Variants in THOC2 observed in about 807,000 individuals in gnomAD.
THOC2 encodes the protein THO complex subunit 2.
In THOC2, 10 loss-of-function variants were observed where a neutral mutation model predicts 128.4. That is an observed-to-expected ratio of 0.08 (90% CI 0.05 to 0.13). The LOEUF is 0.13. Among genes scored for constraint, THOC2 ranks in the 10% least tolerant of loss-of-function variants. THOC2 has a pLI of 1.00. For synonymous variants in THOC2, 393 were observed against 396.9 expected (o/e 0.99, Z 0.12); for missense variants, 535 against 1,155.7 (o/e 0.46, Z 7.79).
At chrX:123,610,122 C>T (rs1050086249) in intron 38 of THOC2, 9 of 110,830 alleles carry the variant, frequency 8.1e-5, no homozygotes, top group African/African-American at 1.6e-4. Context: ...AATTGTCCTA[C>T]GTACTTCAAT....
chrX:123,719,554 G>A (rs1786163125), intron 1 of THOC2, among the ~76,000 whole-genome samples: 1 of 107,671 alleles, frequency 9.3e-6, no homozygotes, highest in South Asian at 4.0e-4. Context: ...CTGACATCAC[G>A]CCACTGCACT....
chrX:123,658,815 C>T (rs1486884836), intron 12 of THOC2, among the ~76,000 whole-genome samples: 1 of 111,363 alleles, frequency 9.0e-6, no homozygotes, highest in Non-Finnish European at 1.9e-5. Flanking sequence ...AAACTATGGA[C>T]TTTGGGTGAT....
At chrX:123,672,940 C>T (rs767481073) in intron 8 of THOC2, among the ~76,000 whole-genome samples, 1 of 112,548 alleles carries the variant, frequency 8.9e-6, no homozygotes, top group Non-Finnish European at 1.9e-5. Context: ...AAATAAAATA[C>T]AAAGCTAACC....
At chrX:123,648,623 C>A (rs1457704934) in intron 12 of THOC2, among the ~76,000 whole-genome samples, 2 of 106,684 alleles carry the variant, frequency 1.9e-5, no homozygotes, top group South Asian at 4.0e-4. Flanking sequence ...TGGAGCTCAG[C>A]GGGAGGAGGG....
At chrX:123,635,922 A>C (rs1193339218) in intron 19 of THOC2, among the ~76,000 whole-genome samples, 157 bp downstream of exon 19, 1 of 112,311 alleles carries the variant, frequency 8.9e-6, no homozygotes, top group East Asian at 2.8e-4. Flanking sequence ...TTAAGTTATC[A>C]TTTAACTAAA....
intron 1 of THOC2, among the ~76,000 whole-genome samples, chrX:123,724,555 C>T (rs1342687718): frequency 1.8e-5 from 2 of 109,964 alleles, no homozygotes; most frequent in African/African-American, 3.3e-5. Context: ...CGCAGTGGTG[C>T]GCACCTGTAA....
chrX:123,729,049 T>C (rs1462321776), intron 1 of THOC2, among the ~76,000 whole-genome samples: 3 of 112,385 alleles, frequency 2.7e-5, no homozygotes, highest in African/African-American at 9.7e-5. Context: ...AGCTTCATCA[T>C]GGCAAGTTCT....
intron 33 of THOC2, 31 bp downstream of exon 33, chrX:123,619,370 C>T: frequency 1.0e-6 from 1 of 987,506 alleles, no homozygotes; most frequent in Non-Finnish European, 1.4e-6. Flanking sequence ...ATTTGGTTTA[C>T]TTAGGCATGA....
intron 18 of THOC2, among the ~76,000 whole-genome samples, chrX:123,636,782 TA>T (rs1478266898): frequency 9.0e-6 from 1 of 111,632 alleles, no homozygotes; most frequent in Non-Finnish European, 1.9e-5. Context: ...GAGATTCAAG[TA>T]AAGTCAAGTG....
chrX:123,730,182 G>GT (rs35214295), intron 1 of THOC2, among the ~76,000 whole-genome samples: 3,594 of 92,496 alleles, frequency 0.039, 102 homozygotes, highest in African/African-American at 0.1. Flanking sequence ...TTGGGTTTTT[G>GT]TTTTTTTTTT....
rs201952458 is a variant in THOC2, at chrX:123,627,713, T to C, written c.2737A>G (p.Ile913Val). 235 of 1,210,100 alleles carry C rather than the reference T, an allele frequency of 1.9e-4. No homozygotes were observed. In the African/African-American group the frequency reaches 3.3e-3, roughly 17 times the overall value. ...VNKLKVQMKAIDDNQEMPPNK... is the reference protein window; with the variant it reads ...VNKLKVQMKAVDDNQEMPPNK... Reference sequence around the variant, plus strand: ...CCTACCATTTCCTGATTGTCATCAATTGCTTTCATCTGGACTTTAAGTTTA... The same window carrying C: ...CCTACCATTTCCTGATTGTCATCAACTGCTTTCATCTGGACTTTAAGTTTA... The change falls in exon 23 of 39, where the codon ATT becomes GTT. Residue 913 changes from isoleucine to valine, a missense_variant. Physicochemically the swap from Ile to Val is conservative, Grantham distance 29 (BLOSUM62 3). Around this residue, in one of 9 missense-constraint regions of THOC2, gnomAD observed 90 missense variants for 298.6 expected, o/e 0.30. Coordinates refer to ENST00000245838, the MANE Select transcript of THOC2 (RefSeq NM_001081550.2).
At chrX:123,604,417 T>A (rs974721024) in intron 38 of THOC2, among the ~76,000 whole-genome samples, 17 of 110,412 alleles carry the variant, frequency 1.5e-4, no homozygotes, top group Admixed American at 4.8e-4. Flanking sequence ...GTTTTGTTAG[T>A]AAGACTGCCA....
intron 8 of THOC2, among the ~76,000 whole-genome samples, chrX:123,674,332 T>C (rs1019008242): frequency 1.8e-5 from 2 of 112,041 alleles, no homozygotes; most frequent in Admixed American, 1.9e-4. Context: ...TCATTGTCTC[T>C]TGTAACAACT....
chrX:123,685,935 G>A (rs1457359255), intron 8 of THOC2, among the ~76,000 whole-genome samples: 2 of 111,625 alleles, frequency 1.8e-5, no homozygotes, highest in African/African-American at 3.3e-5. Context: ...GCACACGACT[G>A]TAGTCCCAGC....
At chrX:123,605,696 T>C (rs2046441671) in intron 38 of THOC2, among the ~76,000 whole-genome samples, 1 of 111,504 alleles carries the variant, frequency 9.0e-6, no homozygotes, top group Non-Finnish European at 1.9e-5. Context: ...CCCTATCCCA[T>C]ACCCTTTACC....
Position 123,629,246 on chromosome X carries a change from C to T in THOC2, c.2482-1278G>A, listed in dbSNP as rs376145611. Among the ~76,000 whole-genome samples, 624 of 102,019 alleles carry T rather than the reference C, an allele frequency of 6.1e-3. 4 individuals carry two copies. Among genetic ancestry groups the T allele is most frequent in the Middle Eastern group, 0.02 (4 of 202 alleles). The allele number at this position is 102,019 out of a possible 115,157, so 88.6% of individuals were successfully genotyped here. ...ACACACACACACACACACACACACA[C>T]ATATATATGAAGATAACACAGAGTT... On this transcript the variant is annotated intron_variant, in intron 22 of 38. Transcript: ENST00000245838.
chrX:123,645,307 C>T, intron 13 of THOC2, 27 bp downstream of exon 13: 1 of 1,075,448 alleles, frequency 9.3e-7, no homozygotes. Context: ...ACATTAGACA[C>T]ATTATTGGAT....
At chrX:123,639,189 T>C (rs920739864) in intron 16 of THOC2, among the ~76,000 whole-genome samples, 162 bp from the exon 17 acceptor site, 6 of 111,959 alleles carry the variant, frequency 5.4e-5, no homozygotes, top group Admixed American at 1.9e-4. Flanking sequence ...TATATAAATA[T>C]TTCATATTTA....
chrX:123,642,429 C>CAA (rs746333788), intron 15 of THOC2, among the ~76,000 whole-genome samples: 2 of 72,615 alleles, frequency 2.8e-5, no homozygotes, highest in East Asian at 4.1e-4. Context: ...CTCCATCTCC[C>CAA]AAAAAAAAAA....
Sources: allele counts gnomAD v4.1 joint callset (sites outside exome capture counted in the v4.1 genomes callset), GRCh38; gene constraint gnomAD v4.1.1; regional missense constraint gnomAD v4.1.1; transcripts MANE v1.5; gene names NCBI Gene and HGNC (gene_info 2026-07-23, HGNC 2026-07-21).